ZNF44: variants seen among roughly 807,000 people sequenced by gnomAD.
ZNF44 encodes gonadotropin inducible transcription repressor-2.
Under a neutral mutation model 11.7 loss-of-function variants are expected in ZNF44, and 9 were observed. The ratio of observed to expected loss-of-function variants is 0.77; its 90% confidence interval spans 0.46 to 1.35. The LOEUF is 1.35. Ranked by LOEUF, ZNF44 falls within the 40% of genes most tolerant of loss-of-function variation. ZNF44 has a pLI of 0.00. For missense variants in ZNF44, 696 were observed against 743.1 expected (o/e 0.94, Z 0.74); for synonymous variants, 224 against 242.7 (o/e 0.92, Z 0.72).
At position 12,229,370 on chromosome 19, in the gene ZNF44, A is replaced by C. The variant is rs1024923162; in HGVS notation, n.436+1090T>G. On this transcript the variant is annotated intron_variant and non_coding_transcript_variant, in intron 3 of 3. Transcript: ENST00000597563. ...ATTCCAGGGGTTCCATAAGGAAAAC[A>C]GATTTTTCCCAAAATGGGATTTGTG... is the stretch of plus-strand genomic sequence containing the variant. Among the ~76,000 whole-genome samples the C allele has an allele frequency of 2.0e-5, 3 of 152,320 alleles. No homozygotes were observed. The East Asian group carries it at 5.8e-4, about 29-fold the overall frequency.
chr19:12,255,772 G>T (rs557619643), intron 5 of ZNF44, among the ~76,000 whole-genome samples: 1 of 152,218 alleles, frequency 6.6e-6, no homozygotes, highest in East Asian at 1.9e-4. Flanking sequence ...GGGCACGGTG[G>T]CTCATTCCTG....
chr19:12,247,382 C>T (rs1916797698), downstream of ZNF44: 1 of 1,303,234 alleles, frequency 7.7e-7, no homozygotes, highest in Non-Finnish European at 1.0e-6. Context: ...TGTGCATTCT[C>T]ATGTGCACTC....
At chr19:12,285,108 T>G in intron 1 of ZNF44, 1 of 645,934 alleles carries the variant, frequency 1.5e-6, no homozygotes, top group Non-Finnish European at 2.8e-6. Flanking sequence ...CTATCAGGAA[T>G]TCACTGACCA....
At chr19:12,230,751 A>C (rs1353124320) in intron 2 of ZNF44, among the ~76,000 whole-genome samples, 1 of 152,222 alleles carries the variant, frequency 6.6e-6, no homozygotes, top group Non-Finnish European at 1.5e-5. Flanking sequence ...AGTCAAAGAC[A>C]GGTTTATTTT....
At chr19:12,253,972 C>G (rs1050108351) in intron 5 of ZNF44, among the ~76,000 whole-genome samples, 4 of 152,070 alleles carry the variant, frequency 2.6e-5, no homozygotes, top group African/African-American at 9.7e-5. Context: ...CAGCGAGACT[C>G]TGTCTCGAAA....
intron 1 of ZNF44, among the ~76,000 whole-genome samples, chr19:12,288,966 T>C (rs1183066583): frequency 6.6e-6 from 1 of 151,412 alleles, no homozygotes; most frequent in Non-Finnish European, 1.5e-5. Flanking sequence ...AATAACTAGC[T>C]GAACAGTTTT....
At chr19:12,249,714 G>A (rs958632750) in intron 7 of ZNF44, among the ~76,000 whole-genome samples, 7 of 151,832 alleles carry the variant, frequency 4.6e-5, no homozygotes, top group South Asian at 2.1e-4. Context: ...CACCATGCCC[G>A]GCTAATTTTG....
At position 12,272,642 on chromosome 19, in the gene ZNF44, C is replaced by T. The variant is rs1432257565; in HGVS notation, c.1613G>A (p.Arg538Lys). The T allele has an allele frequency of 6.2e-7, 1 of 1,613,486 alleles. No homozygotes were observed. Among genetic ancestry groups the T allele is most frequent in the East Asian group, 2.2e-5 (1 of 44,856 alleles). ...GAAAGAGGGCCAAAAGAATGCTTTCCTGCATTGCTTACATTCATATGGCTT... is the reference window on the plus strand; with the variant it reads ...GAAAGAGGGCCAAAAGAATGCTTTCTTGCATTGCTTACATTCATATGGCTT... ...AEKPYECKQC[R>K]KAFFWPSFLL... The change falls in exon 4 of 4, where the codon AGG (arginine) becomes AAG (lysine). Residue 538 changes from arginine to lysine, a missense_variant. Transcript: ENST00000355684.
At chr19:12,247,674 C>T (rs764633843) in exon 8 of ZNF44, 1 of 1,353,240 alleles carries the variant, frequency 7.4e-7, no homozygotes, top group Middle Eastern at 2.1e-4. Context: ...AAAGGCTTTC[C>T]CACATTCCTT....
At chr19:12,266,399 G>A (rs1196515721) in intron 5 of ZNF44, 94 of 953,258 alleles carry the variant, frequency 9.9e-5, no homozygotes, top group Non-Finnish European at 1.1e-4. Flanking sequence ...AGAGCGACCC[G>A]AGGGCGCCAA....
At chr19:12,228,145 G>GA in intron 3 of ZNF44, among the ~76,000 whole-genome samples, 1 of 150,990 alleles carries the variant, frequency 6.6e-6, no homozygotes, top group African/African-American at 2.5e-5. Context: ...CTGCCAAAAC[G>GA]TGCTTAAACC....
chr19:12,291,849 AG>A (rs1227327658), intron 1 of ZNF44, among the ~76,000 whole-genome samples: 1 of 151,724 alleles, frequency 6.6e-6, no homozygotes, highest in Non-Finnish European at 1.5e-5. Flanking sequence ...AAAATTAGCC[AG>A]GCATGGTGGC....
At chr19:12,260,057 C>G in intron 5 of ZNF44, 1 of 519,660 alleles carries the variant, frequency 1.9e-6, no homozygotes, top group South Asian at 1.7e-5. Context: ...TGGGGCAACC[C>G]AGGCATCAGT....
chr19:12,243,292 C>G (rs1446412833), downstream of ZNF44, among the ~76,000 whole-genome samples: 1 of 152,200 alleles, frequency 6.6e-6, no homozygotes, highest in Admixed American at 6.5e-5. Flanking sequence ...ATCTCCAGAA[C>G]GTGTTCACCT....
chr19:12,249,325 T>C (rs1268975555), intron 7 of ZNF44, among the ~76,000 whole-genome samples: 1 of 150,650 alleles, frequency 6.6e-6, no homozygotes. Context: ...CTAAACACAG[T>C]GAAACCCCGT....
chr19:12,258,064 C>G (rs1917336877), intron 5 of ZNF44, among the ~76,000 whole-genome samples: 1 of 150,272 alleles, frequency 6.7e-6, no homozygotes, highest in Admixed American at 6.7e-5. Flanking sequence ...TGGCTCATGT[C>G]CGTAATCCCA....
At chr19:12,243,243 CAAATT>C, downstream of ZNF44, among the ~76,000 whole-genome samples, 1 of 152,134 alleles carries the variant, frequency 6.6e-6, no homozygotes, top group East Asian at 1.9e-4. Context: ...TTACCACAGT[CAAATT>C]AACACATTGA....
downstream of ZNF44, among the ~76,000 whole-genome samples, chr19:12,271,056 T>TGAA (rs1014220410): frequency 6.6e-6 from 1 of 152,008 alleles, no homozygotes; most frequent in African/African-American, 2.4e-5. Flanking sequence ...ATGATGATGA[T>TGAA]GATGATGATG....
chr19:12,280,424 C>T (rs1221831564), intron 1 of ZNF44, among the ~76,000 whole-genome samples: 1 of 151,892 alleles, frequency 6.6e-6, no homozygotes, highest in Non-Finnish European at 1.5e-5. Context: ...ATACTACAAA[C>T]TCTGGGGAAC....
Sources: allele counts gnomAD v4.1 joint callset (sites outside exome capture counted in the v4.1 genomes callset), GRCh38; gene constraint gnomAD v4.1.1; transcripts MANE v1.5; gene names NCBI Gene and HGNC (gene_info 2026-07-23, HGNC 2026-07-21).